Variants in KCTD16 observed in about 807,000 individuals in gnomAD.
The protein encoded by KCTD16 is potassium channel tetramerization domain containing 16.
Under a neutral mutation model 33.2 loss-of-function variants are expected in KCTD16, and 13 were observed. That is an observed-to-expected ratio of 0.39 (90% CI 0.25 to 0.62). The LOEUF is 0.62. Among genes scored for constraint, KCTD16 ranks in the 20% least tolerant of loss-of-function variants. KCTD16 has a pLI of 0.50. For synonymous variants in KCTD16, 197 were observed against 195.3 expected (o/e 1.01, Z -0.07); for missense variants, 441 against 525.1 (o/e 0.84, Z 1.57).
At chr5:144,254,371 C>T (rs1754789297) in intron 3 of KCTD16, among the ~76,000 whole-genome samples, 1 of 151,832 alleles carries the variant, frequency 6.6e-6, no homozygotes, top group South Asian at 2.1e-4. Context: ...TCTTGATCTC[C>T]TGGCAAATGC....
chr5:144,430,398 C>T (rs1753431412), intron 3 of KCTD16, among the ~76,000 whole-genome samples: 1 of 152,040 alleles, frequency 6.6e-6, no homozygotes, highest in Non-Finnish European at 1.5e-5. Flanking sequence ...GTTCTCTGTG[C>T]TTGTGAGTTT....
intron 3 of KCTD16, among the ~76,000 whole-genome samples, chr5:144,319,418 A>G (rs1318551276): frequency 6.6e-6 from 1 of 152,144 alleles, no homozygotes; most frequent in East Asian, 1.9e-4. Context: ...TTTTATTTCC[A>G]TTTCCACCTA....
chr5:144,385,965 A>G (rs993652047), intron 3 of KCTD16, among the ~76,000 whole-genome samples: 1 of 152,168 alleles, frequency 6.6e-6, no homozygotes. Flanking sequence ...TTCATGGTAG[A>G]GAGTGAGGCT....
chr5:144,229,756 A>G (rs956816348), intron 3 of KCTD16, among the ~76,000 whole-genome samples: 2 of 152,148 alleles, frequency 1.3e-5, no homozygotes, highest in African/African-American at 2.4e-5. Context: ...GCCATGGCCA[A>G]TGAAAAGGAG....
At chr5:144,214,408 A>G (rs1753497133) in intron 3 of KCTD16, among the ~76,000 whole-genome samples, 1 of 151,864 alleles carries the variant, frequency 6.6e-6, no homozygotes, top group Admixed American at 6.6e-5. Flanking sequence ...TGACCATGTC[A>G]CTCCTTTGCT....
chr5:144,454,309 C>T (rs1327926791), intron 3 of KCTD16, among the ~76,000 whole-genome samples: 1 of 152,164 alleles, frequency 6.6e-6, no homozygotes, highest in Non-Finnish European at 1.5e-5. Flanking sequence ...GAACCAGAAA[C>T]ACCCATATCA....
chr5:144,205,734 C>T, intron 2 of KCTD16: 1 of 396,340 alleles, frequency 2.5e-6, no homozygotes, highest in Non-Finnish European at 4.4e-6. Flanking sequence ...CTCTGCTTTA[C>T]TTCTTCAACC....
intron 3 of KCTD16, among the ~76,000 whole-genome samples, chr5:144,257,528 G>A (rs1332516323): frequency 3.3e-5 from 5 of 151,348 alleles, no homozygotes; most frequent in East Asian, 1.9e-4. Flanking sequence ...TCGCTCTGTC[G>A]CCCAGGCTGG....
chr5:144,406,919 A>C (rs1028510862), intron 3 of KCTD16, among the ~76,000 whole-genome samples: 1 of 152,104 alleles, frequency 6.6e-6, no homozygotes, highest in Admixed American at 6.6e-5. Flanking sequence ...CAGGATTTGG[A>C]GATCAAAATT....
chr5:144,466,601 TC>T (rs1172393355), intron 3 of KCTD16, among the ~76,000 whole-genome samples: 1 of 152,060 alleles, frequency 6.6e-6, no homozygotes, highest in African/African-American at 2.4e-5. Flanking sequence ...CTTTTAAATA[TC>T]CCTCATAGAA....
intron 3 of KCTD16, among the ~76,000 whole-genome samples, chr5:144,462,150 T>G (rs1214716806): frequency 1.3e-5 from 2 of 152,162 alleles, no homozygotes; most frequent in Non-Finnish European, 2.9e-5. Flanking sequence ...CCTTCTTTGC[T>G]TCCTTTACTG....
intron 3 of KCTD16, among the ~76,000 whole-genome samples, chr5:144,354,254 A>C (rs948643374): frequency 1.3e-5 from 2 of 152,160 alleles, no homozygotes; most frequent in Admixed American, 1.3e-4. Flanking sequence ...AACTATAAGA[A>C]CTACTACTGA....
intron 3 of KCTD16, among the ~76,000 whole-genome samples, chr5:144,367,822 A>G (rs943118271): frequency 1.3e-5 from 2 of 148,182 alleles, no homozygotes; most frequent in Non-Finnish European, 3.0e-5. Context: ...TCCCTCATCT[A>G]GTAGCCCCAG....
chr5:144,251,660 A>G (rs1754704070), intron 3 of KCTD16, among the ~76,000 whole-genome samples: 1 of 152,150 alleles, frequency 6.6e-6, no homozygotes. Context: ...TTTCCTGACC[A>G]TTTACGCAGT....
At chr5:144,372,184 T>C (rs963764139) in intron 3 of KCTD16, among the ~76,000 whole-genome samples, 1 of 151,570 alleles carries the variant, frequency 6.6e-6, no homozygotes, top group Non-Finnish European at 1.5e-5. Flanking sequence ...TTTGGAAAAT[T>C]TGTGTAACCC....
intron 2 of KCTD16, among the ~76,000 whole-genome samples, chr5:144,199,383 C>A (rs1752998852): frequency 6.6e-6 from 1 of 152,084 alleles, no homozygotes; most frequent in Non-Finnish European, 1.5e-5. Flanking sequence ...AACAAACATC[C>A]CACAGGGAAT....
rs191905320 is a variant in KCTD16 at position 144,192,572 on chromosome 5, G to A, written c.-326-13817G>A. Among the ~76,000 whole-genome samples, 306 of 152,284 alleles carry A rather than the reference G, an allele frequency of 2.0e-3. 3 individuals are homozygous for A. Among genetic ancestry groups the A allele is most frequent in the African/African-American group, 6.8e-3 (281 of 41,552 alleles). Reference sequence around the variant, plus strand: ...TACATGATTTCTTCTAGTTCCTAGAGCTTTCCTATTTCTTCCCTTGGAAGT... The same window carrying A: ...TACATGATTTCTTCTAGTTCCTAGAACTTTCCTATTTCTTCCCTTGGAAGT... On this transcript the variant is annotated intron_variant, in intron 2 of 3. Coordinates refer to ENST00000512467, the MANE Select transcript of KCTD16 (RefSeq NM_020768.4).
rs377599413 is a variant in KCTD16 at position 144,358,676 on chromosome 5, A to G, written c.833-114984A>G. 2.6e-5 allele frequency among the ~76,000 whole-genome samples: 4 copies of G among 152,142 alleles called. No homozygotes were observed. In the East Asian group the frequency reaches 5.8e-4, roughly 22 times the overall value. ...CTGGGGGCTTATAAATGCATAAATT[A>G]ATTTCTCACAGTTTGGGAGGATGGG... On this transcript the variant is annotated intron_variant, in intron 3 of 3. Coordinates refer to ENST00000512467, the MANE Select transcript of KCTD16 (RefSeq NM_020768.4).
intron 3 of KCTD16, among the ~76,000 whole-genome samples, chr5:144,431,967 T>C (rs1753473768): frequency 6.6e-6 from 1 of 152,166 alleles, no homozygotes; most frequent in Non-Finnish European, 1.5e-5. Flanking sequence ...ATTTTTTCAA[T>C]ATGTAAATCA....
Sources: allele counts gnomAD v4.1 joint callset (sites outside exome capture counted in the v4.1 genomes callset), GRCh38; gene constraint gnomAD v4.1.1; transcripts MANE v1.5; gene names NCBI Gene and HGNC (gene_info 2026-07-23, HGNC 2026-07-21).